The following ACE variants were observed in gnomAD, a reference collection of about 807,000 sequenced individuals.
ACE encodes the protein angiotensin I converting enzyme, also known as angiotensin-converting enzyme.
Under a neutral mutation model 162.3 loss-of-function variants are expected in ACE, and 122 were observed. The observed-to-expected ratio is 0.75, with a 90% CI of 0.65 to 0.87. The LOEUF (loss-of-function observed/expected upper bound fraction) is 0.87. ACE is among the 40% of genes least tolerant of loss of function. The pLI is 0.00. For missense variants in ACE, 1,799 were observed against 1,735.1 expected (o/e 1.04, Z -0.65); for synonymous variants, 796 against 720.6 (o/e 1.10, Z -1.68).
Position 63,480,350 on chromosome 17 carries a change from G to C in ACE, c.669G>C (p.Thr223=), listed in dbSNP as rs767910089. The change falls in exon 5 of 25, where the codon ACG becomes ACC. Residue 223 remains threonine, a synonymous_variant. Coordinates refer to ENST00000290866, the MANE Select transcript of ACE (RefSeq NM_000789.4). ...CCACGCCCCCAGGCTTCACAGACACGGGGGCCTACTGGCGCTCCTGGTACA... is the reference window on the plus strand; with the variant it reads ...CCACGCCCCCAGGCTTCACAGACACCGGGGCCTACTGGCGCTCCTGGTACA... ...EAYKQDGFTD[T]GAYWRSWYNS... is the part of the protein sequence containing the mutation. 2 of 1,613,812 alleles carry C rather than the reference G, an allele frequency of 1.2e-6. No individual in the cohort carries two copies. Among genetic ancestry groups the C allele is most frequent in the Admixed American group, 1.7e-5 (1 of 60,006 alleles).
Position 63,480,396 on chromosome 17 carries a change from G to A in ACE, c.715G>A (p.Asp239Asn), listed in dbSNP as rs77294580. The A allele has an allele frequency of 3.1e-6, 5 of 1,614,094 alleles. No homozygotes were observed. The highest frequency in any genetic ancestry group is 1.1e-5 in the South Asian group (1 of 91,078). ...GTACAACTCCCCCACCTTCGAGGACGATCTGGAACACCTCTACCAACAGCT... is the reference window on the plus strand; with the variant it reads ...GTACAACTCCCCCACCTTCGAGGACAATCTGGAACACCTCTACCAACAGCT... ...SWYNSPTFEDDLEHLYQQLEP... is the reference protein window; with the variant it reads ...SWYNSPTFEDNLEHLYQQLEP... The change falls in exon 5 of 25, where the codon GAT (aspartate) becomes AAT (asparagine). Residue 239 changes from aspartate to asparagine, a missense_variant. Transcript: ENST00000290866.
At chr17:63,481,237 C>CA (rs762848352) in intron 6 of ACE, 49 bp downstream of exon 6, 2 of 1,497,312 alleles carry the variant, frequency 1.3e-6, no homozygotes, top group African/African-American at 1.4e-5. Context: ...GGGTGGGGCG[C>CA]AAAAAAAGGG....
chr17:63,477,579 T>G (rs1165280377), intron 1 of ACE: 1 of 320,150 alleles, frequency 3.1e-6, no homozygotes, highest in East Asian at 8.9e-5. Flanking sequence ...GCGCCCGCCT[T>G]CGCCGAAGGT....
chr17:63,493,752 C>A, intron 20 of ACE, 93 bp downstream of exon 20: 2 of 1,528,692 alleles, frequency 1.3e-6, no homozygotes, highest in South Asian at 1.2e-5. Flanking sequence ...GGCCCATGGG[C>A]AGAGGTGTGG....
chr17:63,477,560 TC>T, intron 1 of ACE: 1 of 337,718 alleles, frequency 3.0e-6, no homozygotes. Flanking sequence ...GGGTGGCTGC[TC>T]CCAGGCCGCG....
intron 7 of ACE, among the ~76,000 whole-genome samples, chr17:63,482,162 G>T (rs2049720295): frequency 6.6e-6 from 1 of 152,066 alleles, no homozygotes; most frequent in Admixed American, 6.6e-5. Context: ...TTAGCCAGGG[G>T]TGATGGCGGG....
intron 9 of ACE, 63 bp from the exon 10 acceptor site, chr17:63,483,397 A>T: frequency 2.0e-6 from 3 of 1,533,282 alleles, no homozygotes; most frequent in Non-Finnish European, 2.7e-6. Context: ...CCTTTTCTAC[A>T]AAAGTTAAAT....
Position 63,484,432 on chromosome 17 carries a change from GC to G in ACE, c.1814del (p.Pro605GlnfsTer36). ...DAQPLLKYFQ[P>X]VTQWLQEQNQ... ...CCCAGCCGCTGCTCAAGTACTTCCA[GC>G]CAGTCACCCAGTGGCTGCAGGAGCA... On this transcript the variant is annotated frameshift_variant, in exon 12 of 25. Coordinates refer to ENST00000290866, the MANE Select transcript of ACE (RefSeq NM_000789.4). LOFTEE classifies it high-confidence loss of function. This position sits in a 1 kb window ranked among gnomAD's most constrained non-coding sequence, Gnocchi z 4.0. The G allele has an allele frequency of 6.2e-7, 1 of 1,612,596 alleles. No homozygotes were observed. The highest frequency in any genetic ancestry group is 8.5e-7 in the Non-Finnish European group (1 of 1,179,930).
At chr17:63,497,079 G>C in intron 24 of ACE, 58 bp from the exon 25 acceptor site, 1 of 1,518,328 alleles carries the variant, frequency 6.6e-7, no homozygotes. Context: ...GCCCTGCCCC[G>C]CACCCTTGCC....
At position 63,486,989 on chromosome 17, in the gene ACE, A is replaced by G. The variant is rs2029992189; in HGVS notation, c.2221A>G (p.Asn741Asp). Residue 741 changes from asparagine to aspartate, a missense_variant, in exon 15 of 25, where the codon AAC becomes GAC. Physicochemically the swap from Asn to Asp is conservative, Grantham distance 23. Coordinates refer to ENST00000290866, the MANE Select transcript of ACE (RefSeq NM_000789.4). The part of the protein sequence containing the change: ...ALPAQELEEY[N>D]KILLDMETTY... ...TTGCCTCTCCTTCCTCCTGCAGTAC[A>G]ACAAGATCCTGTTGGATATGGAAAC... 4 of 1,613,602 alleles carry G rather than the reference A, an allele frequency of 2.5e-6. No individual in the cohort carries two copies. The highest frequency in any genetic ancestry group is 2.2e-5 in the East Asian group (1 of 44,866).
In ACE at chr17:63,484,192, C is replaced by A; in HGVS notation, c.1710-138C>A. 2 of 1,243,098 alleles carry A rather than the reference C, an allele frequency of 1.6e-6. No individual in the cohort carries two copies. Among genetic ancestry groups the A allele is most frequent in the South Asian group, 1.3e-5 (1 of 76,062 alleles). The allele number at this position is 1,243,098 out of a possible 1,614,324, so 77.0% of individuals were successfully genotyped here. On this transcript the variant is annotated intron_variant, in intron 11 of 24. Transcript: ENST00000290866. The surrounding 1 kb of genome is among the most constrained non-coding windows in gnomAD (Gnocchi z 4.0). ...TGCCCCCTGCCACCATCAGAGAGAT[C>A]CCAGGCCCCAGGGTCTTATTGCCAC... is the stretch of plus-strand genomic sequence containing the variant.
intron 13 of ACE, chr17:63,486,343 T>C (rs917575431): frequency 3.1e-5 from 19 of 617,248 alleles, no homozygotes; most frequent in African/African-American, 3.7e-5. Flanking sequence ...CCTGGATATG[T>C]GTTGCTTGAC....
In ACE at chr17:63,485,498, G is replaced by A. The variant is rs779154064; in HGVS notation, c.2058+126G>A. ...AATATTTAAAACAATACTCAATTTC[G>A]GGCCGGGCGCGGTGGCTCACGCCTG... On this transcript the variant is annotated intron_variant, in intron 13 of 24. Transcript: ENST00000290866. 41 of 1,411,036 alleles carry A rather than the reference G, an allele frequency of 2.9e-5. No homozygotes were observed. In the Admixed American group the frequency reaches 4.1e-4, roughly 14 times the overall value. The allele number at this position is 1,411,036 out of a possible 1,614,324, so 87.4% of individuals were successfully genotyped here. A position where few individuals can be genotyped will look rare whatever the true frequency, so the allele number is the denominator to read the frequency against.
Position 63,497,661 on chromosome 17 carries a change from C to A in ACE, c.*295C>A. ...CTCACAGGGAAGCCAGGGACAGGGA[C>A]AGGCTGCTTTCCTGCCTCCTGGCAG... On this transcript the variant is annotated 3_prime_UTR_variant, in exon 25 of 25. Transcript: ENST00000290866. 1.6e-6 allele frequency: 1 copy of A among 615,278 alleles called. No individual in the cohort carries two copies. The highest frequency in any genetic ancestry group is 3.0e-6 in the Non-Finnish European group (1 of 333,624). 38.1% of individuals were successfully genotyped at this position (615,278 alleles called of 1,614,324 possible). A position where few individuals can be genotyped will look rare whatever the true frequency, so the allele number is the denominator to read the frequency against.
rs1404415405 is a variant in ACE at position 63,483,047 on chromosome 17, T to A, written c.1361T>A (p.Leu454Ter). ...TNDTESDINY[L>*]LKMALEKIAF... ...CCAACAGAAAGTGACATCAATTACTTGCTAAAAATGGCACTGGAAAAAATT... is the reference window on the plus strand; with the variant it reads ...CCAACAGAAAGTGACATCAATTACTAGCTAAAAATGGCACTGGAAAAAATT... Residue 454 changes from leucine (L) to a stop codon, truncating the protein, a stop_gained, in exon 9 of 25, where the codon TTG (leucine) becomes TAG (stop). Coordinates refer to ENST00000290866, the MANE Select transcript of ACE (RefSeq NM_000789.4). LOFTEE classifies it high-confidence loss of function. 6.2e-7 allele frequency: 1 copy of A among 1,614,024 alleles called. No individual in the cohort carries two copies. The highest frequency in any genetic ancestry group is 2.2e-5 in the East Asian group (1 of 44,894).
chr17:63,482,889 G>A, intron 8 of ACE, 140 bp from the exon 9 acceptor site: 1 of 1,119,352 alleles, frequency 8.9e-7, no homozygotes, highest in Non-Finnish European at 1.4e-6. Context: ...TTCCAAGCAG[G>A]GCCCAGGGTC....
At position 63,479,859 on chromosome 17, in the gene ACE, A is replaced by C. The variant is rs769174358; in HGVS notation, c.602A>C (p.Lys201Thr). ...CACAACGCTGCGGGCATCCCGCTGAAACCGCTGTACGAGGATTTCACTGCC... is the reference window on the plus strand; with the variant it reads ...CACAACGCTGCGGGCATCCCGCTGACACCGCTGTACGAGGATTTCACTGCC... Reference protein sequence around the residue: ...GWHNAAGIPLKPLYEDFTALS... With the variant: ...GWHNAAGIPLTPLYEDFTALS... Residue 201 changes from lysine (K) to threonine (T), a missense_variant, in exon 4 of 25, where the codon AAA becomes ACA. By Grantham distance (78) the Lys-to-Thr change is moderately conservative. Transcript: ENST00000290866. The C allele has an allele frequency of 3.7e-6, 6 of 1,612,956 alleles. No individual in the cohort carries two copies. Among genetic ancestry groups the C allele is most frequent in the South Asian group, 3.3e-5 (3 of 91,082 alleles).
intron 3 of ACE, 102 bp downstream of exon 3, chr17:63,479,202 G>A (rs2049667914): frequency 3.0e-6 from 3 of 998,536 alleles, no homozygotes; most frequent in South Asian, 1.4e-5. Flanking sequence ...GGAGACAGCA[G>A]GTAAACCCAA....
Position 63,496,619 on chromosome 17 carries a change from G to A in ACE, c.3503+103G>A, listed in dbSNP as rs1005313556. On this transcript the variant is annotated intron_variant, in intron 23 of 24. Coordinates refer to ENST00000290866, the MANE Select transcript of ACE (RefSeq NM_000789.4). ...CTTTTGTGGGAACACTTGCCATTTT[G>A]AGCCGGGAACTCCCACCTGCAGCGT... is the stretch of plus-strand genomic sequence containing the variant. 8.0e-5 allele frequency: 129 copies of A among 1,605,640 alleles called. No individual in the cohort carries two copies. In the Middle Eastern group the frequency reaches 1.1e-3, roughly 13 times the overall value.
Sources: gnomAD v4.1 joint callset for allele counts (sites outside exome capture counted in the v4.1 genomes callset) on GRCh38, gnomAD v4.1.1 for gene constraint, Gnocchi (gnomAD v3.1) non-coding constraint, MANE v1.5 for transcripts, NCBI Gene and HGNC (gene_info 2026-07-23, HGNC 2026-07-21) for gene names.